Variants in MTHFD1 observed in about 807,000 individuals in gnomAD.
MTHFD1 encodes the protein methylenetetrahydrofolate dehydrogenase, cyclohydrolase and formyltetrahydrofolate synthetase 1.
A neutral mutation model predicts 110.3 loss-of-function variants in MTHFD1; 44 were observed. That is an observed-to-expected ratio of 0.40 (90% CI 0.31 to 0.51). MTHFD1 has a LOEUF of 0.51. Among genes scored for constraint, MTHFD1 ranks in the 20% least tolerant of loss-of-function variants. MTHFD1 has a pLI of 0.60. For synonymous variants in MTHFD1, 402 were observed against 428.8 expected, an observed-to-expected ratio of 0.94 and a Z score of 0.77; for missense variants, 909 against 1,173.1, an observed-to-expected ratio of 0.77 and a Z score of 3.29.
Position 64,421,847 on chromosome 14 carries a change from G to A in MTHFD1, c.727+1922G>A, listed in dbSNP as rs568922900. Among the ~76,000 whole-genome samples, 31 of 152,096 alleles carry A rather than the reference G, an allele frequency of 2.0e-4. 1 individual carries two copies. The South Asian group carries it at 2.3e-3, about 11-fold the overall frequency. On this transcript the variant is annotated intron_variant, in intron 8 of 27. Coordinates refer to ENST00000652337, the MANE Select transcript of MTHFD1 (RefSeq NM_005956.4). ...TCACCATGTTAGCCAGGATGGTCTCGATCTCCTGACCTCGTGATCCGCCCA... is the reference window on the plus strand; with the variant it reads ...TCACCATGTTAGCCAGGATGGTCTCAATCTCCTGACCTCGTGATCCGCCCA...
Position 64,426,059 on chromosome 14 carries a change from G to A in MTHFD1, c.994G>A (p.Gly332Ser). The A allele has an allele frequency of 1.9e-6, 3 of 1,613,770 alleles. No homozygotes were observed. The highest frequency in any genetic ancestry group is 2.2e-5 in the East Asian group (1 of 44,880). ...ACGATCTTGTAAACCGAAGCCCATT[G>A]GTAAGCTGGCTCGAGAAATTGGTCT... is the stretch of plus-strand genomic sequence containing the variant. Reference protein sequence around the residue: ...ISRSCKPKPIGKLAREIGLLS... With the variant: ...ISRSCKPKPISKLAREIGLLS... Residue 332 changes from glycine (G) to serine (S), a missense_variant, in exon 11 of 28, where the codon GGT becomes AGT. This residue lies in a region of MTHFD1 where 424 missense variants were observed against 510.4 expected (regional missense o/e 0.83). Coordinates refer to ENST00000652337, the MANE Select transcript of MTHFD1 (RefSeq NM_005956.4).
intron 19 of MTHFD1, 158 bp downstream of exon 19, chr14:64,441,611 C>A (rs1025190697): frequency 2.2e-5 from 15 of 676,992 alleles, no homozygotes; most frequent in Non-Finnish European, 3.5e-5. Context: ...TCGAGACCAT[C>A]CTGGCTAACA....
intron 22 of MTHFD1, 131 bp downstream of exon 22, chr14:64,444,865 C>G: frequency 1.1e-6 from 1 of 914,472 alleles, no homozygotes; most frequent in Non-Finnish European, 1.8e-6. Flanking sequence ...AAAAGGCCTG[C>G]AGTGTGCTGA....
At chr14:64,397,147 A>T (rs2077859379) in intron 1 of MTHFD1, among the ~76,000 whole-genome samples, 1 of 1,838 alleles carries the variant, frequency 5.4e-4, no homozygotes, top group Non-Finnish European at 1.0e-3. Context: ...AAATATATAT[A>T]TATATATATA....
chr14:64,443,425 C>T (rs766487730), intron 21 of MTHFD1, among the ~76,000 whole-genome samples: 35 of 152,206 alleles, frequency 2.3e-4, no homozygotes, highest in Non-Finnish European at 4.1e-4. Flanking sequence ...AGCACTTGAT[C>T]TGTTGTGACA....
chr14:64,447,287 C>T (rs188137953), intron 22 of MTHFD1, among the ~76,000 whole-genome samples: 9 of 150,686 alleles, frequency 6.0e-5, no homozygotes, highest in Middle Eastern at 3.4e-3. Context: ...TCCCAAGCAG[C>T]TGGGACTACA....
chr14:64,433,268 G>A (rs1191351154), intron 15 of MTHFD1, among the ~76,000 whole-genome samples: 1 of 152,006 alleles, frequency 6.6e-6, no homozygotes, highest in Non-Finnish European at 1.5e-5. Flanking sequence ...ACAGGTGCCT[G>A]CCACCATGCC....
At chr14:64,432,566 A>C (rs1418984587) in intron 15 of MTHFD1, among the ~76,000 whole-genome samples, 1 of 152,250 alleles carries the variant, frequency 6.6e-6, no homozygotes, top group Non-Finnish European at 1.5e-5. Flanking sequence ...AACTTGGATG[A>C]ATTTCAGTGG....
chr14:64,444,113 T>A (rs993774579), intron 21 of MTHFD1, among the ~76,000 whole-genome samples: 2 of 103,504 alleles, frequency 1.9e-5, no homozygotes, highest in Non-Finnish European at 4.0e-5. Flanking sequence ...GACTGGGGGC[T>A]GGGGGGCGGG....
intron 11 of MTHFD1, 63 bp downstream of exon 11, chr14:64,426,255 A>G: frequency 1.3e-6 from 2 of 1,593,410 alleles, no homozygotes; most frequent in African/African-American, 1.3e-5. Context: ...AAGGCGTTGC[A>G]TTTGCACTTG....
In MTHFD1 at chr14:64,442,132, G is replaced by C; in HGVS notation, c.1963G>C (p.Ala655Pro). The part of the protein sequence containing the change: ...GNSSIIADRI[A>P]LKLVGPEGFV... ...TTCCTCCATCATTGCAGACCGGATCGCACTCAAGCTTGTTGGCCCAGAAGG... is the reference window on the plus strand; with the variant it reads ...TTCCTCCATCATTGCAGACCGGATCCCACTCAAGCTTGTTGGCCCAGAAGG... Residue 655 changes from alanine (A) to proline (P), a missense_variant, in exon 20 of 28, where the codon GCA becomes CCA. By Grantham distance (27) the Ala-to-Pro change is conservative. This residue lies in a region of MTHFD1 where 482 missense variants were observed against 646.0 expected (regional missense o/e 0.75). Transcript: ENST00000652337. The C allele has an allele frequency of 6.2e-7, 1 of 1,614,094 alleles. No homozygotes were observed. The highest frequency in any genetic ancestry group is 1.3e-5 in the African/African-American group (1 of 75,018).
rs1272578829 is a variant in MTHFD1 at position 64,444,998 on chromosome 14, C to T, written c.2178+264C>T. 25 of 503,402 alleles carry T rather than the reference C, an allele frequency of 5.0e-5. 1 individual carries two copies. The highest frequency in any genetic ancestry group is 5.7e-4 in the Middle Eastern group (1 of 1,748). The allele number at this position is 503,402 out of a possible 1,614,324, so 31.2% of individuals were successfully genotyped here. A position where few individuals can be genotyped will look rare whatever the true frequency, so the allele number is the denominator to read the frequency against. ...GATTCTCAACAGCTGATTTTGACCCCGGGGACATTTGGCAATGTCTAGAGA... is the reference window on the plus strand; with the variant it reads ...GATTCTCAACAGCTGATTTTGACCCTGGGGACATTTGGCAATGTCTAGAGA... On this transcript the variant is annotated intron_variant, in intron 22 of 27. Coordinates refer to ENST00000652337, the MANE Select transcript of MTHFD1 (RefSeq NM_005956.4).
intron 22 of MTHFD1, among the ~76,000 whole-genome samples, chr14:64,446,181 A>G (rs2078287926): frequency 3.3e-5 from 5 of 152,210 alleles, no homozygotes; most frequent in Admixed American, 3.3e-4. Flanking sequence ...AATATATGTG[A>G]GTTGAGTCCC....
chr14:64,423,341 T>A (rs770549854), intron 8 of MTHFD1, among the ~76,000 whole-genome samples: 2 of 152,130 alleles, frequency 1.3e-5, no homozygotes, highest in African/African-American at 2.4e-5. Flanking sequence ...AAATTTGTGA[T>A]AGGTAGTGTT....
chr14:64,433,415 G>A (rs1048914317), intron 15 of MTHFD1, among the ~76,000 whole-genome samples: 1 of 150,650 alleles, frequency 6.6e-6, no homozygotes, highest in East Asian at 2.0e-4. Flanking sequence ...CACTGTACCC[G>A]GCCTGTTTGT....
intron 16 of MTHFD1, 47 bp from the exon 17 acceptor site, chr14:64,439,049 T>C (rs2078227898): frequency 1.5e-6 from 2 of 1,361,544 alleles, no homozygotes; most frequent in Non-Finnish European, 2.1e-6. Context: ...TTTAACTTTG[T>C]GGTCCTTTTA....
intron 24 of MTHFD1, among the ~76,000 whole-genome samples, chr14:64,450,303 C>A (rs1228846263): frequency 6.6e-6 from 1 of 152,214 alleles, no homozygotes; most frequent in African/African-American, 2.4e-5. Flanking sequence ...TGGTAAGGGG[C>A]TGCATCGAGC....
chr14:64,415,264 G>T (rs554808229), intron 4 of MTHFD1, 94 bp from the exon 5 acceptor site: 3 of 1,058,378 alleles, frequency 2.8e-6, no homozygotes, highest in Middle Eastern at 2.6e-4. Flanking sequence ...GTGTTGGGGG[G>T]AAATAGGGCA....
intron 6 of MTHFD1, among the ~76,000 whole-genome samples, chr14:64,416,703 C>T (rs1173272423): frequency 6.6e-6 from 1 of 152,130 alleles, no homozygotes; most frequent in African/African-American, 2.4e-5. Context: ...AAAGGTCAAG[C>T]TTTGACAGTT....
Sources: gnomAD v4.1 joint callset for allele counts (sites outside exome capture counted in the v4.1 genomes callset) on GRCh38, gnomAD v4.1.1 for gene constraint, gnomAD v4.1.1 regional missense constraint, MANE v1.5 for transcripts, NCBI Gene and HGNC (gene_info 2026-07-23, HGNC 2026-07-21) for gene names.